The following ZNF831 variants were observed in gnomAD, a reference collection of about 807,000 sequenced individuals.
ZNF831 encodes chromosome 20 open reading frame 174.
In ZNF831, 59 loss-of-function variants were observed where a neutral mutation model predicts 95.8. That is an observed-to-expected ratio of 0.62 (90% CI 0.50 to 0.77). ZNF831 has a LOEUF of 0.77. Ranked by LOEUF, ZNF831 falls within the 30% of genes least tolerant of loss-of-function variation. ZNF831 has a pLI of 0.00. For synonymous variants in ZNF831, 961 were observed against 925.5 expected (o/e 1.04, Z -0.70); for missense variants, 2,205 against 2,164.0 (o/e 1.02, Z -0.38).
At chr20:59,137,543 AAG>A (rs1445644446) in intron 1 of ZNF831, among the ~76,000 whole-genome samples, 2 of 152,238 alleles carry the variant, frequency 1.3e-5, no homozygotes, top group Admixed American at 1.3e-4. Context: ...CTGCCCCTGG[AAG>A]AGTTTCCTTT....
rs1988058834 is a variant in ZNF831 at position 59,254,192 on chromosome 20, A to G, written c.4483A>G (p.Ile1495Val). The change falls in exon 6 of 6, where the codon ATT (isoleucine) becomes GTT (valine). Residue 1495 changes from isoleucine to valine, a missense_variant. Ile to Val is a conservative substitution (Grantham distance 29). Coordinates refer to ENST00000371030, the MANE Select transcript of ZNF831 (RefSeq NM_178457.3). The surrounding 1 kb of genome is among the most constrained non-coding windows in gnomAD (Gnocchi z 4.5). ...DIATSVAAVC[I>V]SLPVRTDHIA... ...TGCTACCTCTGTGGCTGCCGTTTGT[A>G]TTTCTCTGCCAGTGAGAACAGATCA... The G allele has an allele frequency of 1.9e-6, 3 of 1,613,956 alleles. No individual in the cohort carries two copies. Among genetic ancestry groups the G allele is most frequent in the Non-Finnish European group, 2.5e-6 (3 of 1,179,988 alleles).
chr20:59,130,465 C>T (rs372559448), intron 1 of ZNF831, among the ~76,000 whole-genome samples: 22 of 152,186 alleles, frequency 1.4e-4, no homozygotes, highest in African/African-American at 4.3e-4. Flanking sequence ...TCTCTCTTCA[C>T]CCTACACATT....
At chr20:59,202,349 A>C (rs1484890595) in intron 3 of ZNF831, among the ~76,000 whole-genome samples, 1 of 146,810 alleles carries the variant, frequency 6.8e-6, no homozygotes, top group South Asian at 2.1e-4. Context: ...TAAAAAAAAA[A>C]ACACATCTAA....
intron 1 of ZNF831, among the ~76,000 whole-genome samples, chr20:59,182,977 TA>T: frequency 6.6e-6 from 1 of 152,288 alleles, no homozygotes; most frequent in East Asian, 1.9e-4. Flanking sequence ...CCTGCGCACA[TA>T]AGGTAAGTTG....
chr20:59,157,331 A>G (rs1394796572), intron 2 of ZNF831, among the ~76,000 whole-genome samples: 1 of 152,232 alleles, frequency 6.6e-6, no homozygotes, highest in Admixed American at 6.5e-5. Flanking sequence ...TCCTACTGAA[A>G]GTGTGGGGGC....
At position 59,192,269 on chromosome 20, in the gene ZNF831, C is replaced by A. The variant is rs766338071; in HGVS notation, c.1250C>A (p.Ala417Glu). Residue 417 changes from alanine (A) to glutamate (E), a missense_variant, in exon 2 of 6, where the codon GCG becomes GAG. Physicochemically the swap from Ala to Glu is moderately radical, Grantham distance 107 (BLOSUM62 -1). Transcript: ENST00000371030. This position sits in a 1 kb window ranked among gnomAD's most constrained non-coding sequence, Gnocchi z 5.2. ...GCCCAGCTCATCTCCCACAACCAGG[C>A]GGTGGTGGACGATGCCCAGCTGGAC... ...RIAQLISHNQAVVDDAQLDNV... is the reference protein window; with the variant it reads ...RIAQLISHNQEVVDDAQLDNV... The A allele has an allele frequency of 1.9e-6, 3 of 1,588,852 alleles. No homozygotes were observed. Among genetic ancestry groups the A allele is most frequent in the South Asian group, 1.1e-5 (1 of 87,574 alleles).
chr20:59,184,386 A>G (rs1383878154), intron 1 of ZNF831, among the ~76,000 whole-genome samples: 4 of 151,716 alleles, frequency 2.6e-5, no homozygotes, highest in Admixed American at 6.5e-5. Context: ...GGGCAATGAT[A>G]TAGTTCCTCT....
At chr20:59,214,403 G>A (rs541013178) in intron 4 of ZNF831, among the ~76,000 whole-genome samples, 4 of 152,270 alleles carry the variant, frequency 2.6e-5, no homozygotes, top group Admixed American at 1.3e-4. Flanking sequence ...CTGTGCTGCC[G>A]TTTCATTTCT....
intron 2 of ZNF831, among the ~76,000 whole-genome samples, chr20:59,148,597 G>A (rs1247008140): frequency 5.3e-5 from 7 of 131,048 alleles, no homozygotes; most frequent in Admixed American, 1.5e-4. Flanking sequence ...GGAGAATGGC[G>A]TGAACCCGGG....
chr20:59,253,869 C>CCTG lies in ZNF831; in HGVS notation c.4189-29_4189-28insCTG, dbSNP rs1555837608. The CCTG allele has an allele frequency of 8.4e-6, 9 of 1,067,568 alleles. No homozygotes were observed. In the East Asian group the frequency reaches 2.3e-4, roughly 27 times the overall value. The allele number at this position is 1,067,568 out of a possible 1,614,324, so 66.1% of individuals were successfully genotyped here. On this transcript the variant is annotated intron_variant, in intron 5 of 5. Coordinates refer to ENST00000371030, the MANE Select transcript of ZNF831 (RefSeq NM_178457.3). ...TTGTACCAATTAACCTCCCCCCCCA[C>CCTG]TTTTTTTTTCCTTTGCACTTTGTTG...
chr20:59,232,485 C>T (rs141750620), intron 4 of ZNF831, among the ~76,000 whole-genome samples: 1 of 148,554 alleles, frequency 6.7e-6, no homozygotes, highest in Non-Finnish European at 1.5e-5. Flanking sequence ...CCCCAGAGTC[C>T]GCCTCAGCCC....
chr20:59,224,354 C>T (rs919897534), intron 4 of ZNF831, among the ~76,000 whole-genome samples: 10 of 152,116 alleles, frequency 6.6e-5, no homozygotes, highest in African/African-American at 2.4e-4. Context: ...TCCAGGAGGC[C>T]AACACTCTCC....
intron 4 of ZNF831, among the ~76,000 whole-genome samples, chr20:59,242,322 T>C (rs182588878): frequency 1.3e-5 from 2 of 152,354 alleles, no homozygotes; most frequent in East Asian, 3.9e-4. Flanking sequence ...AGAAATGGGC[T>C]GTTGTTTATG....
chr20:59,253,168 C>G, intron 5 of ZNF831, 30 bp downstream of exon 5: 2 of 1,612,142 alleles, frequency 1.2e-6, no homozygotes, highest in Non-Finnish European at 1.7e-6. Context: ...GCTGCCTCTA[C>G]CTATTCCTGG....
intron 1 of ZNF831, among the ~76,000 whole-genome samples, chr20:59,140,020 G>T (rs1979628705): frequency 6.6e-6 from 1 of 152,170 alleles, no homozygotes; most frequent in Non-Finnish European, 1.5e-5. Context: ...AAGTCTCAAA[G>T]AACTCTTACA....
Position 59,194,321 on chromosome 20 carries a change from G to T in ZNF831, c.3302G>T (p.Trp1101Leu), listed in dbSNP as rs750717222. ...GDVLNPWVPN[W>L]ELGEPPGNAP... is the part of the protein sequence containing the mutation. ...GTCCTGAATCCCTGGGTACCCAACT[G>T]GGAGCTGGGGGAGCCTCCTGGGAAT... The change falls in exon 2 of 6, where the codon TGG (tryptophan) becomes TTG (leucine). Residue 1101 changes from tryptophan to leucine, a missense_variant. Physicochemically the swap from Trp to Leu is moderately conservative, Grantham distance 61. Coordinates refer to ENST00000371030, the MANE Select transcript of ZNF831 (RefSeq NM_178457.3). 1.2e-6 allele frequency: 2 copies of T among 1,613,610 alleles called. No homozygotes were observed. The highest frequency in any genetic ancestry group is 2.7e-5 in the African/African-American group (2 of 74,950).
intron 4 of ZNF831, among the ~76,000 whole-genome samples, chr20:59,235,446 T>G (rs1986949362): frequency 1.3e-5 from 2 of 152,132 alleles, no homozygotes; most frequent in South Asian, 4.1e-4. Context: ...CTCACCCCAC[T>G]TATGTTTCCT....
intron 1 of ZNF831, among the ~76,000 whole-genome samples, chr20:59,164,966 G>C (rs1262818812): frequency 6.6e-6 from 1 of 152,348 alleles, no homozygotes; most frequent in Non-Finnish European, 1.5e-5. Context: ...GGGAAAAACA[G>C]AATCAACGTC....
intron 1 of ZNF831, among the ~76,000 whole-genome samples, chr20:59,184,042 C>G (rs1325609239): frequency 6.6e-6 from 1 of 152,176 alleles, no homozygotes; most frequent in African/African-American, 2.4e-5. Context: ...CCCTCCTCCC[C>G]CAACCCCTGG....
Sources: gnomAD v4.1 joint callset for allele counts (sites outside exome capture counted in the v4.1 genomes callset) on GRCh38, gnomAD v4.1.1 for gene constraint, Gnocchi (gnomAD v3.1) non-coding constraint, MANE v1.5 for transcripts, NCBI Gene and HGNC (gene_info 2026-07-23, HGNC 2026-07-21) for gene names.